Variants in SRGAP1 observed in about 807,000 individuals in gnomAD.
SRGAP1 encodes SLIT-ROBO Rho GTPase activating protein 1.
SRGAP1 carries 43 observed loss-of-function variants against 121.9 expected under a neutral mutation model. The observed-to-expected ratio is 0.35, with a 90% CI of 0.28 to 0.46. The LOEUF (loss-of-function observed/expected upper bound fraction) is 0.46. Among genes scored for constraint, SRGAP1 ranks in the 20% least tolerant of loss-of-function variants. The pLI, the probability that SRGAP1 is intolerant of heterozygous loss-of-function variation, is 1.00. For missense variants in SRGAP1, 1,102 were observed against 1,350.9 expected (o/e 0.82, Z 2.89); for synonymous variants, 447 against 485.4 (o/e 0.92, Z 1.04).
intron 1 of SRGAP1, among the ~76,000 whole-genome samples, chr12:63,953,398 G>A (rs939858108): frequency 8.0e-6 from 1 of 124,880 alleles, no homozygotes; most frequent in African/African-American, 3.1e-5. Context: ...TTTCTTGATT[G>A]ATTTTTTTTT....
At chr12:64,048,024 C>G (rs952988851) in intron 6 of SRGAP1, among the ~76,000 whole-genome samples, 21 of 152,178 alleles carry the variant, frequency 1.4e-4, no homozygotes, top group African/African-American at 4.8e-4. Flanking sequence ...AAGTGTACAA[C>G]AAATTACTGT....
At chr12:64,048,431 T>A (rs1044839105) in intron 6 of SRGAP1, among the ~76,000 whole-genome samples, 1 of 152,246 alleles carries the variant, frequency 6.6e-6, no homozygotes, top group African/African-American at 2.4e-5. Flanking sequence ...CTTCCAAATC[T>A]TGACTATTGT....
chr12:64,154,950 G>A lies in SRGAP1; in HGVS notation c.*12278G>A, dbSNP rs1359156644. On this transcript the variant is annotated 3_prime_UTR_variant, in exon 22 of 22. Coordinates refer to ENST00000355086, the MANE Select transcript of SRGAP1 (RefSeq NM_020762.4). ...GAGCATGTAATGTGATCAGTACCCA[G>A]GGAAGAAATGATTGCCATTTCTAGT... The A allele has an allele frequency of 6.6e-6, 1 of 152,074 alleles. No individual in the cohort carries two copies. The highest frequency in any genetic ancestry group is 2.4e-5 in the African/African-American group (1 of 41,400). 9.4% of individuals were successfully genotyped at this position (152,074 alleles called of 1,614,324 possible).
At chr12:64,003,199 A>G (rs2033961875) in intron 3 of SRGAP1, among the ~76,000 whole-genome samples, 1 of 151,982 alleles carries the variant, frequency 6.6e-6, no homozygotes, top group South Asian at 2.1e-4. Context: ...TGATCCTCCC[A>G]CCTCAGCCTC....
At chr12:64,008,345 A>G (rs1401959403) in intron 3 of SRGAP1, among the ~76,000 whole-genome samples, 1 of 149,054 alleles carries the variant, frequency 6.7e-6, no homozygotes, top group East Asian at 1.9e-4. Flanking sequence ...TGTCAAAAAG[A>G]TACTTACTCC....
Position 64,152,449 on chromosome 12 carries a change from T to A in SRGAP1, c.*9777T>A, listed in dbSNP as rs1270073679. 6.6e-6 allele frequency: 1 copy of A among 152,258 alleles called. No homozygotes were observed. Among genetic ancestry groups the A allele is most frequent in the African/African-American group, 2.4e-5 (1 of 41,456 alleles). The allele number at this position is 152,258 out of a possible 1,614,324, so 9.4% of individuals were successfully genotyped here. Reference sequence around the variant, plus strand: ...CCACTGCTGCAGGACGGCATACTACTGTGTCTTATTCATCTTTGTATCTTC... The same window carrying A: ...CCACTGCTGCAGGACGGCATACTACAGTGTCTTATTCATCTTTGTATCTTC... On this transcript the variant is annotated 3_prime_UTR_variant, in exon 22 of 22. Transcript: ENST00000355086.
At chr12:64,110,502 G>A (rs1412523030) in intron 16 of SRGAP1, among the ~76,000 whole-genome samples, 1 of 152,192 alleles carries the variant, frequency 6.6e-6, no homozygotes, top group Non-Finnish European at 1.5e-5. Flanking sequence ...TTGGGATGGG[G>A]ATTATGAAAA....
At chr12:63,983,503 A>G (rs1454951955) in intron 1 of SRGAP1, 2 of 152,142 alleles carry the variant, frequency 1.3e-5, no homozygotes, top group Non-Finnish European at 2.9e-5. Flanking sequence ...TATTTTAAGA[A>G]TCAACCTGGA....
At position 64,128,095 on chromosome 12, in the gene SRGAP1, C is replaced by A; in HGVS notation, c.2775C>A (p.Asp925Glu). Residue 925 changes from aspartate (D) to glutamate (E), a missense_variant, in exon 21 of 22, where the codon GAC becomes GAA. Transcript: ENST00000355086. ...GCCTGACCAACATCAGCCGGCACGA[C>A]TCCCTCAAGAAGATCGACAGCCCTC... ...HGSLTNISRHDSLKKIDSPPI... is the reference protein window; with the variant it reads ...HGSLTNISRHESLKKIDSPPI... The A allele has an allele frequency of 6.2e-7, 1 of 1,614,158 alleles. No homozygotes were observed. The highest frequency in any genetic ancestry group is 8.5e-7 in the Non-Finnish European group (1 of 1,180,034).
chr12:63,910,799 T>C (rs577603425), intron 1 of SRGAP1, among the ~76,000 whole-genome samples: 1 of 152,282 alleles, frequency 6.6e-6, no homozygotes, highest in South Asian at 2.1e-4. Context: ...TATGTTGTCT[T>C]TAAGGGACAG....
chr12:64,126,126 G>T lies in SRGAP1; in HGVS notation c.2374G>T (p.Val792Leu), dbSNP rs1416445693. The stretch of plus-strand genomic sequence containing the variant: ...CAGGCACAACGGGATTGACGGGCTG[G>T]TGCCTCACCAGTATATAGTGGTGCA... ...EGRHNGIDGL[V>L]PHQYIVVQDM... is the part of the protein sequence containing the mutation. Residue 792 changes from valine to leucine, a missense_variant, in exon 19 of 22, where the codon GTG becomes TTG. This residue lies in a region of SRGAP1 where 40 missense variants were observed against 78.4 expected (regional missense o/e 0.51). Transcript: ENST00000355086. 1.9e-6 allele frequency: 3 copies of T among 1,614,046 alleles called. No individual in the cohort carries two copies. Among genetic ancestry groups the T allele is most frequent in the Non-Finnish European group, 2.5e-6 (3 of 1,180,020 alleles).
intron 3 of SRGAP1, among the ~76,000 whole-genome samples, chr12:63,991,491 C>T (rs1445636772): frequency 6.6e-6 from 1 of 152,126 alleles, no homozygotes; most frequent in African/African-American, 2.4e-5. Flanking sequence ...AAAATTGAAA[C>T]TAAGGAGCAT....
At chr12:63,974,837 G>C (rs2033051142) in intron 1 of SRGAP1, among the ~76,000 whole-genome samples, 1 of 152,122 alleles carries the variant, frequency 6.6e-6, no homozygotes, top group Non-Finnish European at 1.5e-5. Context: ...TTCTGGACTA[G>C]GGTATCAAGA....
At chr12:63,867,738 G>A (rs988801211) in intron 1 of SRGAP1, among the ~76,000 whole-genome samples, 3 of 151,772 alleles carry the variant, frequency 2.0e-5, no homozygotes, top group African/African-American at 7.3e-5. Flanking sequence ...ACTACCAGAA[G>A]CTATGGTCTT....
chr12:64,043,747 A>AC, intron 6 of SRGAP1, 172 bp downstream of exon 6: 2 of 484,994 alleles, frequency 4.1e-6, no homozygotes, highest in Non-Finnish European at 7.1e-6. Flanking sequence ...TATCATCTGT[A>AC]AGATGCATGT....
rs2037210128 is a variant in SRGAP1 at position 64,161,679 on chromosome 12, C to T, written c.*19007C>T. The T allele has an allele frequency of 6.6e-6, 1 of 152,128 alleles. No individual in the cohort carries two copies. Among genetic ancestry groups the T allele is most frequent in the African/African-American group, 2.4e-5 (1 of 41,420 alleles). 9.4% of individuals were successfully genotyped at this position (152,128 alleles called of 1,614,324 possible). A position where few individuals can be genotyped will look rare whatever the true frequency, so the allele number is the denominator to read the frequency against. On this transcript the variant is annotated 3_prime_UTR_variant, in exon 22 of 22. Transcript: ENST00000355086. Reference sequence around the variant, plus strand: ...GTTTGCTTTGCTTTCGTTTATGTTACAGGCTTTCCTAAAATTCCTGGTGAT... The same window carrying T: ...GTTTGCTTTGCTTTCGTTTATGTTATAGGCTTTCCTAAAATTCCTGGTGAT...
At chr12:63,907,825 AT>A (rs2030291284) in intron 1 of SRGAP1, among the ~76,000 whole-genome samples, 1 of 152,130 alleles carries the variant, frequency 6.6e-6, no homozygotes, top group Non-Finnish European at 1.5e-5. Flanking sequence ...TTTACTTGGA[AT>A]TTTATCGTCC....
chr12:63,925,620 C>T (rs934156797), intron 1 of SRGAP1, among the ~76,000 whole-genome samples: 4 of 151,982 alleles, frequency 2.6e-5, no homozygotes, highest in South Asian at 2.1e-4. Flanking sequence ...ACAGATACCA[C>T]GTGTTAATAT....
chr12:64,017,729 T>C (rs574051724), intron 4 of SRGAP1, among the ~76,000 whole-genome samples: 22 of 152,256 alleles, frequency 1.4e-4, no homozygotes, highest in Non-Finnish European at 2.4e-4. Context: ...TTTCTTTTTT[T>C]CCCACATTTT....
Sources: allele counts gnomAD v4.1 joint callset (sites outside exome capture counted in the v4.1 genomes callset), GRCh38; gene constraint gnomAD v4.1.1; regional missense constraint gnomAD v4.1.1; transcripts MANE v1.5; gene names NCBI Gene and HGNC (gene_info 2026-07-23, HGNC 2026-07-21).